The following PALS1 variants were observed in gnomAD, a reference collection of about 807,000 sequenced individuals.
PALS1 encodes protein associated with LIN7 1, MAGUK p55 family member, also known as protein PALS1.
In PALS1, 31 loss-of-function variants were observed where a neutral mutation model predicts 78.9. That is an observed-to-expected ratio of 0.39 (90% CI 0.30 to 0.53). The LOEUF (loss-of-function observed/expected upper bound fraction) is 0.53. Ranked by LOEUF, PALS1 falls within the 20% of genes least tolerant of loss-of-function variation. The pLI is 0.67. For missense variants in PALS1, 704 were observed against 826.5 expected, an observed-to-expected ratio of 0.85 and a Z score of 1.82; for synonymous variants, 276 against 270.9, an observed-to-expected ratio of 1.02 and a Z score of -0.18.
intron 1 of PALS1, among the ~76,000 whole-genome samples, chr14:67,250,450 A>G (rs764057607): frequency 6.6e-6 from 1 of 152,192 alleles, no homozygotes; most frequent in Non-Finnish European, 1.5e-5. Context: ...TGGAAATCAC[A>G]TTGCCTCACA....
At chr14:67,253,845 A>T (rs574338252) in intron 1 of PALS1, among the ~76,000 whole-genome samples, 1 of 142,548 alleles carries the variant, frequency 7.0e-6, no homozygotes, top group Non-Finnish European at 1.5e-5. Context: ...TCTCAAAAAG[A>T]AAAAAAAAAA....
At chr14:67,319,625 A>G (rs932525783) in intron 11 of PALS1, among the ~76,000 whole-genome samples, 17 of 152,130 alleles carry the variant, frequency 1.1e-4, no homozygotes, top group Non-Finnish European at 1.9e-4. Flanking sequence ...AAAAAAAAAA[A>G]AAAATTGCAA....
chr14:67,274,376 G>A (rs1486950070), intron 2 of PALS1, among the ~76,000 whole-genome samples: 1 of 152,174 alleles, frequency 6.6e-6, no homozygotes, highest in Non-Finnish European at 1.5e-5. Flanking sequence ...TTATTAAATA[G>A]GGCATCCTTT....
intron 1 of PALS1, among the ~76,000 whole-genome samples, chr14:67,263,761 A>C (rs2084272506): frequency 6.6e-6 from 1 of 152,218 alleles, no homozygotes; most frequent in Non-Finnish European, 1.5e-5. Flanking sequence ...GATATATAGG[A>C]AACTGTTGGC....
chr14:67,305,801 C>A (rs1337158219), intron 8 of PALS1, among the ~76,000 whole-genome samples: 1 of 152,070 alleles, frequency 6.6e-6, no homozygotes, highest in Non-Finnish European at 1.5e-5. Context: ...GTTATTTAAC[C>A]CCCAACTTTC....
At chr14:67,317,044 T>G (rs1256859123) in intron 10 of PALS1, 141 bp downstream of exon 10, 2 of 630,046 alleles carry the variant, frequency 3.2e-6, no homozygotes, top group African/African-American at 3.7e-5. Context: ...CTCAGAACTG[T>G]AAAGAAAGGA....
intron 10 of PALS1, 81 bp downstream of exon 10, chr14:67,316,984 C>T (rs1301470519): frequency 1.4e-5 from 15 of 1,063,048 alleles, no homozygotes; most frequent in Middle Eastern, 2.0e-4. Context: ...ATATTAGAAC[C>T]GTGAAGAAGT....
chr14:67,325,979 CTTTTTTT>C (rs61592505), intron 14 of PALS1, among the ~76,000 whole-genome samples: 8 of 110,222 alleles, frequency 7.3e-5, no homozygotes, highest in Non-Finnish European at 1.2e-4. Flanking sequence ...CGGCTCTTTT[CTTTTTTT>C]TTTTTTTTTT....
chr14:67,327,430 G>A (rs1302593540), intron 14 of PALS1, among the ~76,000 whole-genome samples: 3 of 151,910 alleles, frequency 2.0e-5, no homozygotes, highest in African/African-American at 4.8e-5. Flanking sequence ...AAGGAGGACG[G>A]ATCACTTTTT....
At chr14:67,284,250 T>A (rs1158516220) in intron 3 of PALS1, among the ~76,000 whole-genome samples, 1 of 151,968 alleles carries the variant, frequency 6.6e-6, no homozygotes, top group African/African-American at 2.4e-5. Context: ...ATAATTCACA[T>A]ACCATAAAAT....
At chr14:67,286,550 G>A (rs2084690603) in intron 3 of PALS1, among the ~76,000 whole-genome samples, 1 of 152,100 alleles carries the variant, frequency 6.6e-6, no homozygotes, top group South Asian at 2.1e-4. Flanking sequence ...ATTTCTTTGA[G>A]TGTGTGGAAA....
chr14:67,271,752 A>G (rs140888011), intron 2 of PALS1: 1 of 152,336 alleles, frequency 6.6e-6, no homozygotes, highest in African/African-American at 2.4e-5. Context: ...ACATATTTCT[A>G]GATTCTTGTG....
intron 2 of PALS1, among the ~76,000 whole-genome samples, chr14:67,274,107 G>A (rs901180477): frequency 2.0e-5 from 3 of 152,120 alleles, no homozygotes; most frequent in Non-Finnish European, 4.4e-5. Flanking sequence ...CTTTTGCTGT[G>A]CAGAAGCTCT....
intron 14 of PALS1, among the ~76,000 whole-genome samples, chr14:67,327,435 CTTTT>C (rs201918032): frequency 6.9e-6 from 1 of 145,572 alleles, no homozygotes; most frequent in Non-Finnish European, 1.5e-5. Flanking sequence ...GGACGGATCA[CTTTT>C]TTTTTTTCCG....
intron 4 of PALS1, among the ~76,000 whole-genome samples, chr14:67,296,712 T>C (rs185241246): frequency 2.7e-4 from 41 of 152,076 alleles, no homozygotes; most frequent in Admixed American, 1.6e-3. Context: ...AATTAACTTA[T>C]ATGAATAGGT....
At chr14:67,291,373 G>A (rs971185220) in intron 3 of PALS1, among the ~76,000 whole-genome samples, 16 of 151,856 alleles carry the variant, frequency 1.1e-4, no homozygotes, top group Middle Eastern at 3.2e-3. Context: ...GATTACAGGC[G>A]CCTGCCACTG....
At chr14:67,320,069 GTATTA>G (rs1435412992) in intron 11 of PALS1, among the ~76,000 whole-genome samples, 156 bp from the exon 12 acceptor site, 2 of 152,154 alleles carry the variant, frequency 1.3e-5, no homozygotes, top group Non-Finnish European at 2.9e-5. Context: ...AATAGAAGGA[GTATTA>G]TATTGTTGTC....
chr14:67,320,999 A>G (rs1236081183), intron 12 of PALS1, 58 bp from the exon 13 acceptor site: 2 of 1,416,136 alleles, frequency 1.4e-6, no homozygotes, highest in Non-Finnish European at 2.0e-6. Context: ...TAGCAGAATT[A>G]TCCCCTGTCC....
chr14:67,322,206 G>C (rs2085272330), intron 13 of PALS1, among the ~76,000 whole-genome samples: 2 of 152,086 alleles, frequency 1.3e-5, no homozygotes, highest in Non-Finnish European at 2.9e-5. Context: ...AAATTAGCCA[G>C]GTGTGGTGGC....
Sources: allele counts gnomAD v4.1 joint callset (sites outside exome capture counted in the v4.1 genomes callset), GRCh38; gene constraint gnomAD v4.1.1; transcripts MANE v1.5; gene names NCBI Gene and HGNC (gene_info 2026-07-23, HGNC 2026-07-21).